The following CD82 variants were observed in gnomAD, a reference collection of about 807,000 sequenced individuals.
The protein encoded by CD82 is CD82 molecule, also known as CD82 antigen.
A neutral mutation model predicts 37.4 loss-of-function variants in CD82; 36 were observed. That is an observed-to-expected ratio of 0.96 (90% CI 0.74 to 1.27). The LOEUF (loss-of-function observed/expected upper bound fraction) is 1.27. Among genes scored for constraint, CD82 ranks in the 50% most tolerant of loss-of-function variants. The probability of loss-of-function intolerance (pLI) is 0.00; values close to 1 mark genes in which losing one functional copy is unlikely to be tolerated. For missense variants in CD82, 340 were observed against 347.0 expected (o/e 0.98, Z 0.16); for synonymous variants, 158 against 137.4 (o/e 1.15, Z -1.05).
At chr11:44,590,512 G>C (rs771661759) in intron 2 of CD82, among the ~76,000 whole-genome samples, 1 of 145,924 alleles carries the variant, frequency 6.9e-6, no homozygotes, top group South Asian at 2.2e-4. Context: ...TTGGGAGGCT[G>C]AGGCAGGAGA....
chr11:44,581,890 G>A (rs1022035814), intron 1 of CD82, among the ~76,000 whole-genome samples: 2 of 152,180 alleles, frequency 1.3e-5, no homozygotes, highest in Non-Finnish European at 2.9e-5. Flanking sequence ...CTGGCTGGTG[G>A]AGGGAGAGAA....
chr11:44,571,763 T>C (rs911164843), intron 1 of CD82, among the ~76,000 whole-genome samples: 4 of 152,054 alleles, frequency 2.6e-5, no homozygotes, highest in Non-Finnish European at 5.9e-5. Context: ...TTAGTAGAGA[T>C]AGGATTTCAC....
In CD82 at chr11:44,619,448, AG is replaced by A; in HGVS notation, c.*326del. ...GCCCTCAAGGGTGTGTATATTGTATAGGGGCAACTGTATGAAAAATTGGGGA... is the reference window on the plus strand; with the variant it reads ...GCCCTCAAGGGTGTGTATATTGTATAGGGCAACTGTATGAAAAATTGGGGA... On this transcript the variant is annotated 3_prime_UTR_variant, in exon 10 of 10. Coordinates refer to ENST00000227155, the MANE Select transcript of CD82 (RefSeq NM_002231.4). The A allele has an allele frequency of 3.5e-6, 1 of 284,078 alleles. No homozygotes were observed. Among genetic ancestry groups the A allele is most frequent in the Non-Finnish European group, 6.7e-6 (1 of 148,422 alleles). 17.6% of individuals were successfully genotyped at this position (284,078 alleles called of 1,614,324 possible).
chr11:44,607,486 G>A (rs991481373), intron 6 of CD82, among the ~76,000 whole-genome samples: 1 of 152,164 alleles, frequency 6.6e-6, no homozygotes, highest in Non-Finnish European at 1.5e-5. Flanking sequence ...GGGTGGATTA[G>A]AACCAGGCCC....
chr11:44,580,799 A>T (rs1852969300), intron 1 of CD82, among the ~76,000 whole-genome samples: 1 of 152,216 alleles, frequency 6.6e-6, no homozygotes, highest in African/African-American at 2.4e-5. Flanking sequence ...TGATGAGATA[A>T]TTAGGGCTGC....
At chr11:44,582,675 C>T (rs2134634982) in intron 1 of CD82, among the ~76,000 whole-genome samples, 1 of 152,314 alleles carries the variant, frequency 6.6e-6, no homozygotes, top group East Asian at 1.9e-4. Context: ...AGGTGGCTGA[C>T]CCCTGAGACC....
upstream of CD82, among the ~76,000 whole-genome samples, chr11:44,565,249 G>A (rs1020066409): frequency 1.3e-5 from 2 of 152,200 alleles, no homozygotes; most frequent in African/African-American, 4.8e-5. Flanking sequence ...GGGGGATGGG[G>A]TGGGCTCGAA....
At chr11:44,604,003 G>C (rs1045081709) in intron 4 of CD82, among the ~76,000 whole-genome samples, 1 of 152,112 alleles carries the variant, frequency 6.6e-6, no homozygotes, top group African/African-American at 2.4e-5. Flanking sequence ...ACAGATCTTT[G>C]CTTGGCTGAC....
At chr11:44,575,441 G>A (rs1852877616) in intron 1 of CD82, among the ~76,000 whole-genome samples, 1 of 151,794 alleles carries the variant, frequency 6.6e-6, no homozygotes, top group Admixed American at 6.5e-5. Flanking sequence ...GGGTGTTGCA[G>A]TGGTTCTCAA....
Position 44,615,259 on chromosome 11 carries a change from C to A in CD82, c.337-13C>A, listed in dbSNP as rs1228138354. 5.1e-6 allele frequency: 8 copies of A among 1,577,460 alleles called. No individual in the cohort carries two copies. In the South Asian group the frequency reaches 5.5e-5, roughly 11 times the overall value. ...AGGAAATCTGACCCTGACCTTTGTC[C>A]TCCCCCCTGCAGCTGAAGCAGGAGA... On this transcript the variant is annotated splice_polypyrimidine_tract_variant and intron_variant, in intron 6 of 9. Coordinates refer to ENST00000227155, the MANE Select transcript of CD82 (RefSeq NM_002231.4).
At chr11:44,603,848 A>T (rs568014560) in intron 4 of CD82, among the ~76,000 whole-genome samples, 15 of 152,098 alleles carry the variant, frequency 9.9e-5, no homozygotes, top group African/African-American at 3.4e-4. Context: ...CCATTCCTGT[A>T]CCTCCTAAGC....
At chr11:44,569,517 C>T (rs1852785193) in intron 1 of CD82, among the ~76,000 whole-genome samples, 1 of 152,164 alleles carries the variant, frequency 6.6e-6, no homozygotes, top group Admixed American at 6.5e-5. Context: ...CCTTCCCTGA[C>T]TTGCTGATGC....
chr11:44,580,843 A>G (rs1852969795), intron 1 of CD82, among the ~76,000 whole-genome samples: 1 of 152,212 alleles, frequency 6.6e-6, no homozygotes, highest in South Asian at 2.1e-4. Context: ...GTGCTGGAGA[A>G]TGTTTTGGAA....
intron 1 of CD82, among the ~76,000 whole-genome samples, chr11:44,583,038 T>A (rs1271839313): frequency 6.6e-6 from 1 of 152,240 alleles, no homozygotes; most frequent in Non-Finnish European, 1.5e-5. Flanking sequence ...TTTTCTTCTC[T>A]GGGCATCAGT....
chr11:44,573,840 C>G (rs1167911316), intron 1 of CD82, among the ~76,000 whole-genome samples: 1 of 152,196 alleles, frequency 6.6e-6, no homozygotes, highest in Non-Finnish European at 1.5e-5. Flanking sequence ...CTGTTCACCT[C>G]TGGGCAAGTT....
intron 3 of CD82, 110 bp from the exon 4 acceptor site, chr11:44,600,048 C>G: frequency 3.0e-6 from 3 of 986,698 alleles, no homozygotes; most frequent in Non-Finnish European, 4.8e-6. Flanking sequence ...GGATGTGGTG[C>G]CCTCTGTGGC....
At chr11:44,607,104 A>G (rs1853409634) in intron 6 of CD82, among the ~76,000 whole-genome samples, 1 of 152,256 alleles carries the variant, frequency 6.6e-6, no homozygotes, top group African/African-American at 2.4e-5. Flanking sequence ...CGGCAGCCAG[A>G]TAGGCTCCTG....
At chr11:44,616,124 G>A (rs1853560666) in intron 7 of CD82, among the ~76,000 whole-genome samples, 1 of 152,178 alleles carries the variant, frequency 6.6e-6, no homozygotes, top group Admixed American at 6.5e-5. Context: ...CTTAGGGCCT[G>A]TTGACACCTC....
Position 44,608,922 on chromosome 11 carries a change from C to T in CD82, c.336+3493C>T, listed in dbSNP as rs577609779. ...GAAGAGCACTAACAAACGGGAAGGGCGTCGTGCGGCACTCAGCCGGAGGCT... is the reference window on the plus strand; with the variant it reads ...GAAGAGCACTAACAAACGGGAAGGGTGTCGTGCGGCACTCAGCCGGAGGCT... On this transcript the variant is annotated intron_variant, in intron 6 of 9. Coordinates refer to ENST00000227155, the MANE Select transcript of CD82 (RefSeq NM_002231.4). 5.3e-5 allele frequency among the ~76,000 whole-genome samples: 8 copies of T among 152,380 alleles called. No individual in the cohort carries two copies. The East Asian group carries it at 7.7e-4, about 15-fold the overall frequency.
Sources: allele counts gnomAD v4.1 joint callset (sites outside exome capture counted in the v4.1 genomes callset), GRCh38; gene constraint gnomAD v4.1.1; transcripts MANE v1.5; gene names NCBI Gene and HGNC (gene_info 2026-07-23, HGNC 2026-07-21).